The following ZNF487 variants were observed in gnomAD, a reference collection of about 807,000 sequenced individuals.
ZNF487 encodes the protein zinc finger protein 487, also known as KRAB domain only 1.
ZNF487 carries 4 observed loss-of-function variants against 3.0 expected under a neutral mutation model. That is an observed-to-expected ratio of 1.35 (90% CI 0.66 to 3.08). The LOEUF is 3.08. Ranked by LOEUF, ZNF487 falls within the 30% of genes most tolerant of loss-of-function variation. The pLI is 0.01. For missense variants in ZNF487, 146 were observed against 98.7 expected (o/e 1.48, Z -2.03); for synonymous variants, 55 against 34.6 (o/e 1.59, Z -2.06).
chr10:43,518,590 C>A, the ZNF487 span, among the ~76,000 whole-genome samples: 1 of 152,140 alleles, frequency 6.6e-6, no homozygotes, highest in African/African-American at 2.4e-5. Flanking sequence ...AGCACTCAAT[C>A]TTGAAGTGCT....
intron 1 of ZNF487, among the ~76,000 whole-genome samples, chr10:43,472,146 C>G (rs1413862166): frequency 1.4e-4 from 22 of 152,286 alleles, no homozygotes; most frequent in Admixed American, 1.4e-3. Flanking sequence ...GCAGTACTCT[C>G]TGGGGCCTGA....
At chr10:43,512,915 C>T in the ZNF487 span, among the ~76,000 whole-genome samples, 3 of 152,192 alleles carry the variant, frequency 2.0e-5, no homozygotes, top group African/African-American at 7.2e-5. Context: ...TTATTCTTCA[C>T]CTTAGAAGGA....
chr10:43,501,974 G>A, the ZNF487 span, among the ~76,000 whole-genome samples: 3 of 152,192 alleles, frequency 2.0e-5, no homozygotes, highest in Middle Eastern at 3.4e-3. Flanking sequence ...ACAATGTGTG[G>A]CTATTCCTCA....
Position 43,481,732 on chromosome 10 carries a change from C to T in ZNF487, c.434C>T (p.Pro145Leu). The T allele has an allele frequency of 1.4e-6, 1 of 716,522 alleles. No homozygotes were observed. Among genetic ancestry groups the T allele is most frequent in the South Asian group, 1.5e-5 (1 of 67,584 alleles). The allele number at this position is 716,522 out of a possible 1,614,324, so 44.4% of individuals were successfully genotyped here. A position where few individuals can be genotyped will look rare whatever the true frequency, so the allele number is the denominator to read the frequency against. Reference protein sequence around the residue: ...KFLLCMKRENPYARGKPLEYD... With the variant: ...KFLLCMKRENLYARGKPLEYD... ...CTCCTCTGTATGAAGCGTGAGAATC[C>T]TTATGCCAGAGGGAAACCTTTGGAA... Residue 145 changes from proline (P) to leucine (L), a missense_variant, in exon 4 of 4, where the codon CCT (proline) becomes CTT (leucine). Transcript: ENST00000437590.
the ZNF487 span, among the ~76,000 whole-genome samples, chr10:43,492,453 TTA>T: frequency 6.9e-5 from 4 of 57,938 alleles, no homozygotes; most frequent in African/African-American, 1.3e-4. Flanking sequence ...TTATTTTATT[TTA>T]TTTTATTTTA....
At chr10:43,461,922 G>A (rs2132092937) in intron 1 of ZNF487, among the ~76,000 whole-genome samples, 1 of 152,230 alleles carries the variant, frequency 6.6e-6, no homozygotes. Flanking sequence ...CCAGGGCAAA[G>A]CTATGTCTCA....
At chr10:43,497,026 T>G in the ZNF487 span, among the ~76,000 whole-genome samples, 25 of 152,332 alleles carry the variant, frequency 1.6e-4, no homozygotes, top group South Asian at 4.8e-3. Context: ...GTTCTTGGGT[T>G]TTCACTTGAA....
chr10:43,466,181 A>AGAGAGGGAGACGGAGACCGTAGG (rs1554798610), intron 1 of ZNF487, among the ~76,000 whole-genome samples: 1 of 135,392 alleles, frequency 7.4e-6, no homozygotes, highest in African/African-American at 2.8e-5. Context: ...GACCGTGGAA[A>AGAGAGGGAGACGGAGACCGTAGG]GAGAGGGAGA....
intron 3 of ZNF487, among the ~76,000 whole-genome samples, chr10:43,480,015 CTT>C (rs1564428833): frequency 5.8e-5 from 4 of 69,044 alleles, no homozygotes; most frequent in African/African-American, 1.4e-4. Context: ...TTCTTTCTTT[CTT>C]TCTTTCTTTC....
chr10:43,465,837 G>A (rs925805248), intron 1 of ZNF487, among the ~76,000 whole-genome samples: 14 of 152,068 alleles, frequency 9.2e-5, no homozygotes, highest in African/African-American at 3.1e-4. Flanking sequence ...CAAGGCAGGC[G>A]GCTGGGATGT....
chr10:43,461,935 C>T (rs913390166), intron 1 of ZNF487, among the ~76,000 whole-genome samples: 7 of 152,190 alleles, frequency 4.6e-5, no homozygotes, highest in South Asian at 2.1e-4. Context: ...ATGTCTCACA[C>T]ACACTAGTTC....
At chr10:43,486,466 C>T (rs570922825), downstream of ZNF487, among the ~76,000 whole-genome samples, 7 of 151,206 alleles carry the variant, frequency 4.6e-5, no homozygotes, top group Non-Finnish European at 1.0e-4. Flanking sequence ...GCGGAGGTTG[C>T]GGTGAGCCGA....
intron 1 of ZNF487, among the ~76,000 whole-genome samples, chr10:43,443,282 T>G (rs529716933): frequency 6.6e-6 from 1 of 152,060 alleles, no homozygotes; most frequent in South Asian, 2.1e-4. Flanking sequence ...CAGGCTGGTC[T>G]CGAACTCCTG....
At chr10:43,518,457 G>A in the ZNF487 span, among the ~76,000 whole-genome samples, 1 of 151,966 alleles carries the variant, frequency 6.6e-6, no homozygotes, top group East Asian at 1.9e-4. Flanking sequence ...TGTCTTCATT[G>A]GCCATAAAGG....
chr10:43,493,871 A>T, the ZNF487 span, among the ~76,000 whole-genome samples: 2 of 150,994 alleles, frequency 1.3e-5, no homozygotes, highest in Non-Finnish European at 2.9e-5. Context: ...ACTGGTAATA[A>T]AAAGCTAAAA....
At chr10:43,475,566 A>G in intron 1 of ZNF487, 155 bp from the exon 2 acceptor site, 1 of 607,466 alleles carries the variant, frequency 1.6e-6, no homozygotes, top group Non-Finnish European at 3.0e-6. Context: ...AGGATTTCTC[A>G]TTTTCCTACA....
chr10:43,451,404 C>A (rs1564415146), intron 1 of ZNF487, among the ~76,000 whole-genome samples: 1 of 151,264 alleles, frequency 6.6e-6, no homozygotes, highest in Non-Finnish European at 1.5e-5. Context: ...CGCCACCAGG[C>A]CTGGCTAATT....
the ZNF487 span, among the ~76,000 whole-genome samples, chr10:43,498,112 T>A: frequency 0.04 from 428 of 10,722 alleles, 9 homozygotes; most frequent in East Asian, 0.083. Context: ...TTTTTTTTTT[T>A]TCTTTTTTTT....
At chr10:43,509,739 C>T in the ZNF487 span, among the ~76,000 whole-genome samples, 1 of 151,968 alleles carries the variant, frequency 6.6e-6, no homozygotes. Context: ...TTGTGCCCAC[C>T]CAGATTAAGG....
Sources: gnomAD v4.1 joint callset for allele counts (sites outside exome capture counted in the v4.1 genomes callset) on GRCh38, gnomAD v4.1.1 for gene constraint, MANE v1.5 for transcripts, NCBI Gene and HGNC (gene_info 2026-07-23, HGNC 2026-07-21) for gene names.